KCNN2: variants seen among roughly 807,000 people sequenced by gnomAD.
The protein encoded by KCNN2 is potassium calcium-activated channel subfamily N member 2, also known as small conductance calcium-activated potassium channel protein 2.
In KCNN2, 24 loss-of-function variants were observed where a neutral mutation model predicts 55.5. That is an observed-to-expected ratio of 0.43 (90% CI 0.31 to 0.61). The LOEUF (loss-of-function observed/expected upper bound fraction) is 0.61. Among genes scored for constraint, KCNN2 ranks in the 20% least tolerant of loss-of-function variants. KCNN2 has a pLI of 0.08. For missense variants in KCNN2, 754 were observed against 853.6 expected, an observed-to-expected ratio of 0.88 and a Z score of 1.45; for synonymous variants, 431 against 336.1, an observed-to-expected ratio of 1.28 and a Z score of -3.09.
intron 1 of KCNN2, among the ~76,000 whole-genome samples, chr5:114,128,007 C>T (rs1367721309): frequency 2.0e-5 from 3 of 152,138 alleles, no homozygotes; most frequent in African/African-American, 4.8e-5. Flanking sequence ...TGGCCAAAGC[C>T]ACTCAACAAA....
intron 2 of KCNN2, among the ~76,000 whole-genome samples, chr5:114,228,463 CT>C (rs563431994): frequency 8.4e-4 from 128 of 152,146 alleles, no homozygotes; most frequent in South Asian, 5.6e-3. Context: ...AAATGTATAA[CT>C]TTTAACCATC....
At chr5:114,370,546 C>T (rs367546596) in intron 2 of KCNN2, among the ~76,000 whole-genome samples, 18 of 152,054 alleles carry the variant, frequency 1.2e-4, no homozygotes, top group African/African-American at 4.1e-4. Context: ...CAGTTGCATA[C>T]ATCAGACAGG....
chr5:114,161,507 T>C (rs1752781914), intron 1 of KCNN2, among the ~76,000 whole-genome samples: 1 of 151,916 alleles, frequency 6.6e-6, no homozygotes, highest in African/African-American at 2.4e-5. Context: ...GAGGAGTATC[T>C]TTGTGGCGTT....
intron 1 of KCNN2, among the ~76,000 whole-genome samples, chr5:114,137,074 T>C (rs982259871): frequency 3.3e-5 from 5 of 152,296 alleles, no homozygotes; most frequent in East Asian, 3.9e-4. Flanking sequence ...AAATATCTAG[T>C]ATAGTGCAAT....
intron 1 of KCNN2, among the ~76,000 whole-genome samples, chr5:114,187,882 T>A (rs1002898254): frequency 1.3e-5 from 2 of 150,306 alleles, no homozygotes; most frequent in Non-Finnish European, 2.9e-5. Flanking sequence ...TGGCGCAATC[T>A]CGGCTCACTG....
At chr5:114,286,241 G>A (rs562913816) in intron 2 of KCNN2, among the ~76,000 whole-genome samples, 3 of 152,256 alleles carry the variant, frequency 2.0e-5, no homozygotes, top group African/African-American at 7.2e-5. Context: ...AGCCACCAAT[G>A]CAGCTAAAAA....
intron 2 of KCNN2, among the ~76,000 whole-genome samples, chr5:114,349,598 G>A (rs1757171869): frequency 6.6e-6 from 1 of 151,962 alleles, no homozygotes; most frequent in Non-Finnish European, 1.5e-5. Flanking sequence ...CTGATCCCAA[G>A]CATTCTGGAT....
At chr5:114,097,044 A>G (rs183508382) in intron 1 of KCNN2, among the ~76,000 whole-genome samples, 4 of 152,300 alleles carry the variant, frequency 2.6e-5, no homozygotes, top group Admixed American at 1.3e-4. Flanking sequence ...ACCCAGATCT[A>G]TTCAACTCTG....
chr5:114,441,003 C>A (rs1226528293), intron 3 of KCNN2, among the ~76,000 whole-genome samples: 1 of 151,976 alleles, frequency 6.6e-6, no homozygotes, highest in Non-Finnish European at 1.5e-5. Context: ...GGAAAAGATA[C>A]AACAGGCAAC....
chr5:114,315,127 C>A (rs1047121412), intron 2 of KCNN2, among the ~76,000 whole-genome samples: 12 of 152,272 alleles, frequency 7.9e-5, no homozygotes, highest in African/African-American at 2.4e-4. Context: ...TGCTCTCAAC[C>A]ATCCTTGTCC....
intron 2 of KCNN2, among the ~76,000 whole-genome samples, chr5:114,295,068 T>G (rs553033967): frequency 1.3e-5 from 2 of 152,306 alleles, no homozygotes; most frequent in Non-Finnish European, 2.9e-5. Flanking sequence ...TTGGAAGTTT[T>G]GTCTCAGAGG....
Position 114,196,235 on chromosome 5 carries a change from TG to T in KCNN2, c.-270-25243del, listed in dbSNP as rs1359775769. Among the ~76,000 whole-genome samples, 7 of 152,140 alleles carry T rather than the reference TG, an allele frequency of 4.6e-5. No homozygotes were observed. The East Asian group carries it at 1.3e-3, about 29-fold the overall frequency. On this transcript the variant is annotated intron_variant, in intron 1 of 10. Transcript: ENST00000512097. ...ATTCCCACTTGGAAATGGTGTATACTGGTTTTTTTAATGTGTGTTTCTGGAT... is the reference window on the plus strand; with the variant it reads ...ATTCCCACTTGGAAATGGTGTATACTGTTTTTTTAATGTGTGTTTCTGGAT...
chr5:114,255,417 A>T lies in KCNN2; in HGVS notation c.-185+33852A>T, dbSNP rs561544767. 3.0e-4 allele frequency among the ~76,000 whole-genome samples: 46 copies of T among 152,296 alleles called. 1 individual carries two copies. The Middle Eastern group carries it at 0.014, about 45-fold the overall frequency. ...GGAGGGCATTCTAATTAAGATAGCA[A>T]TGTAAACACAGCATGGGGTATTCTG... On this transcript the variant is annotated intron_variant, in intron 2 of 10. Coordinates refer to the KCNN2 transcript ENST00000512097.
At chr5:114,442,389 T>C (rs1035198513) in intron 3 of KCNN2, among the ~76,000 whole-genome samples, 2 of 151,960 alleles carry the variant, frequency 1.3e-5, no homozygotes, top group Admixed American at 6.6e-5. Context: ...GGAAAAACAA[T>C]GCATTTAAAA....
chr5:114,388,238 C>T (rs1353885004), intron 2 of KCNN2, among the ~76,000 whole-genome samples: 1 of 152,100 alleles, frequency 6.6e-6, no homozygotes, highest in Admixed American at 6.6e-5. Flanking sequence ...CTGCTTCTAT[C>T]TTTCTCCTTT....
chr5:114,105,279 C>T (rs755404245), intron 1 of KCNN2, among the ~76,000 whole-genome samples: 1 of 151,968 alleles, frequency 6.6e-6, no homozygotes, highest in Admixed American at 6.6e-5. Context: ...AATAACTGAA[C>T]CATAAACAGT....
intron 2 of KCNN2, among the ~76,000 whole-genome samples, chr5:114,277,567 T>C (rs893765407): frequency 6.6e-6 from 1 of 152,230 alleles, no homozygotes; most frequent in African/African-American, 2.4e-5. Context: ...TCTTGTCTTC[T>C]TGCTTTATTT....
intron 5 of KCNN2, among the ~76,000 whole-genome samples, chr5:114,483,431 C>T (rs903712035): frequency 1.1e-4 from 17 of 151,926 alleles, no homozygotes; most frequent in East Asian, 3.9e-4. Flanking sequence ...TGCTCAACCA[C>T]GCCCATCTAA....
chr5:114,185,066 G>A (rs1753304779), intron 1 of KCNN2, among the ~76,000 whole-genome samples: 1 of 152,226 alleles, frequency 6.6e-6, no homozygotes, highest in African/African-American at 2.4e-5. Flanking sequence ...AAAAATTCTT[G>A]GTTGTTGATG....
Sources: allele counts gnomAD v4.1 joint callset (sites outside exome capture counted in the v4.1 genomes callset), GRCh38; gene constraint gnomAD v4.1.1; transcripts MANE v1.5; gene names NCBI Gene and HGNC (gene_info 2026-07-23, HGNC 2026-07-21).